Variants in TNKS observed in about 807,000 individuals in gnomAD.
TNKS encodes the protein tankyrase, also known as poly [ADP-ribose] polymerase tankyrase-1.
TNKS carries 72 observed loss-of-function variants against 135.8 expected under a neutral mutation model. The observed-to-expected ratio is 0.53, with a 90% confidence interval of 0.44 to 0.64. TNKS has a LOEUF of 0.64. Ranked by LOEUF, TNKS falls within the 30% of genes least tolerant of loss-of-function variation. The pLI is 0.00. For synonymous variants in TNKS, 849 were observed against 649.3 expected (o/e 1.31, Z -4.68); for missense variants, 1,769 against 1,674.0 (o/e 1.06, Z -0.99).
rs754401710 is a variant in TNKS at position 9,765,706 on chromosome 8, C to A, written c.3462C>A (p.Val1154=). 3 of 1,613,624 alleles carry A rather than the reference C, an allele frequency of 1.9e-6. No individual in the cohort carries two copies. In the South Asian group the frequency reaches 3.3e-5, roughly 18 times the overall value. Residue 1154 remains valine (V), a synonymous_variant, in exon 24 of 27, where the codon GTC becomes GTA. Coordinates refer to ENST00000310430, the MANE Select transcript of TNKS (RefSeq NM_003747.3). ...RYNVIRIQKV[V]NKKLRERFCH... Reference sequence around the variant, plus strand: ...CATCCTTAAAGATTCAAAAAGTTGTCAACAAGAAGTTGAGGGAGCGGTTCT... The same window carrying A: ...CATCCTTAAAGATTCAAAAAGTTGTAAACAAGAAGTTGAGGGAGCGGTTCT...
At position 9,735,056 on chromosome 8, in the gene TNKS, C is replaced by A; in HGVS notation, c.2505C>A (p.Gly835=). Residue 835 remains glycine (G), a synonymous_variant, in exon 16 of 27, where the codon GGC becomes GGA. Coordinates refer to ENST00000310430, the MANE Select transcript of TNKS (RefSeq NM_003747.3). ...ATATCAACTGCAGAGACACCCAGGGCAGAAATTCAACCCCTCTGCACCTGG... is the reference window on the plus strand; with the variant it reads ...ATATCAACTGCAGAGACACCCAGGGAAGAAATTCAACCCCTCTGCACCTGG... ...PENINCRDTQ[G]RNSTPLHLAA... 1 of 1,614,118 alleles carries A rather than the reference C, an allele frequency of 6.2e-7. No homozygotes were observed. The highest frequency in any genetic ancestry group is 8.5e-7 in the Non-Finnish European group (1 of 1,180,000).
intron 1 of TNKS, among the ~76,000 whole-genome samples, chr8:9,571,612 C>G (rs750852981): frequency 6.6e-6 from 1 of 152,134 alleles, no homozygotes; most frequent in Non-Finnish European, 1.5e-5. Context: ...TGCCCACCAC[C>G]ACGCCTGGCT....
intron 5 of TNKS, among the ~76,000 whole-genome samples, chr8:9,702,815 A>C (rs1216721507): frequency 1.3e-5 from 2 of 152,198 alleles, no homozygotes; most frequent in African/African-American, 4.8e-5. Flanking sequence ...CAGGAGTTCC[A>C]GACAAGTCTG....
intron 1 of TNKS, chr8:9,575,328 G>A (rs762600599): frequency 7.9e-6 from 7 of 885,192 alleles, no homozygotes; most frequent in Non-Finnish European, 9.5e-6. Context: ...CTCGTGATCC[G>A]CCTGCTTCGG....
At chr8:9,770,020 T>A in intron 25 of TNKS, 86 bp from the exon 26 acceptor site, 2 of 1,281,292 alleles carry the variant, frequency 1.6e-6, no homozygotes, top group Non-Finnish European at 2.1e-6. Context: ...TTATGTTAAA[T>A]TTTTAAAAAA....
At chr8:9,726,147 T>C (rs961882102) in intron 12 of TNKS, among the ~76,000 whole-genome samples, 3 of 152,134 alleles carry the variant, frequency 2.0e-5, no homozygotes, top group Non-Finnish European at 4.4e-5. Context: ...TCCCAGCACT[T>C]TGGGAGGCTG....
intron 3 of TNKS, among the ~76,000 whole-genome samples, chr8:9,632,653 A>G (rs1800337143): frequency 6.6e-6 from 1 of 152,142 alleles, no homozygotes; most frequent in Non-Finnish European, 1.5e-5. Flanking sequence ...CTACAGGTGC[A>G]TTTCAATATC....
intron 13 of TNKS, 134 bp downstream of exon 13, chr8:9,726,854 GTAC>G: frequency 1.4e-6 from 1 of 698,936 alleles, no homozygotes; most frequent in African/African-American, 1.8e-5. Flanking sequence ...GGAAAAATCT[GTAC>G]TACTATTAAG....
intron 14 of TNKS, 33 bp from the exon 15 acceptor site, chr8:9,733,246 T>C: frequency 6.5e-7 from 1 of 1,527,668 alleles, no homozygotes; most frequent in Non-Finnish European, 8.7e-7. Context: ...AAAGGTTTGT[T>C]TTATGACTTT....
chr8:9,657,558 G>A (rs1801452440), intron 3 of TNKS, among the ~76,000 whole-genome samples: 4 of 76,184 alleles, frequency 5.3e-5, no homozygotes, highest in Admixed American at 1.0e-4. Flanking sequence ...GCTGGGCAGA[G>A]GCGCCCCTCA....
At chr8:9,697,465 G>C (rs1248813128) in intron 5 of TNKS, among the ~76,000 whole-genome samples, 1 of 152,066 alleles carries the variant, frequency 6.6e-6, no homozygotes, top group African/African-American at 2.4e-5. Flanking sequence ...CCTAATTAAA[G>C]AGCTTCTGCA....
intron 2 of TNKS, 23 bp downstream of exon 2, chr8:9,580,406 T>C: frequency 6.3e-7 from 1 of 1,596,118 alleles, no homozygotes; most frequent in Non-Finnish European, 8.6e-7. Flanking sequence ...TGATGATATC[T>C]AAATTTTAAA....
At chr8:9,727,990 G>A (rs557325761) in intron 13 of TNKS, among the ~76,000 whole-genome samples, 2 of 152,090 alleles carry the variant, frequency 1.3e-5, no homozygotes, top group Non-Finnish European at 2.9e-5. Context: ...AATATAAGAC[G>A]ATTAGGCTTC....
At position 9,556,141 on chromosome 8, in the gene TNKS, G is replaced by A. The variant is rs745374958; in HGVS notation, c.202G>A (p.Gly68Arg). Residue 68 changes from glycine to arginine, a missense_variant, in exon 1 of 27, where the codon GGG (glycine) becomes AGG (arginine). Transcript: ENST00000310430. ...GCGGCACGGCCTAGCGCTGCCGGAG[G>A]GGGATGGCAGTCGGGATCCGCCCGA... ...SPRHGLALPE[G>R]DGSRDPPDRP... 5 of 1,607,616 alleles carry A rather than the reference G, an allele frequency of 3.1e-6. No homozygotes were observed. The South Asian group carries it at 3.3e-5, about 11-fold the overall frequency.
At chr8:9,619,907 C>G (rs1371609959) in intron 3 of TNKS, among the ~76,000 whole-genome samples, 2 of 150,940 alleles carry the variant, frequency 1.3e-5, no homozygotes, top group African/African-American at 2.4e-5. Flanking sequence ...GCTTTGACTA[C>G]TAGATTTTGC....
At chr8:9,580,515 C>T in intron 2 of TNKS, 132 bp downstream of exon 2, 3 of 781,064 alleles carry the variant, frequency 3.8e-6, no homozygotes, top group East Asian at 2.7e-5. Context: ...TCTTTTCCAT[C>T]AAAAGGTAAA....
In TNKS at chr8:9,652,829, C is replaced by G. The variant is rs185437480; in HGVS notation, c.995-27122C>G. Among the ~76,000 whole-genome samples, 209 of 152,120 alleles carry G rather than the reference C, an allele frequency of 1.4e-3. 1 individual carries two copies. The highest frequency in any genetic ancestry group is 5.0e-3 in the African/African-American group (206 of 41,482). ...CATTATCCCTGACCCTCAGAGCGAC[C>G]ACAGAAGATAAATATTATCTTCTCT... On this transcript the variant is annotated intron_variant, in intron 3 of 26. Coordinates refer to ENST00000310430, the MANE Select transcript of TNKS (RefSeq NM_003747.3).
chr8:9,724,136 G>T (rs1805042549), intron 12 of TNKS, among the ~76,000 whole-genome samples: 1 of 152,138 alleles, frequency 6.6e-6, no homozygotes, highest in South Asian at 2.1e-4. Context: ...TTTAATCTTT[G>T]ATTCTAGGTG....
intron 5 of TNKS, among the ~76,000 whole-genome samples, chr8:9,691,118 A>T (rs1036442118): frequency 1.3e-5 from 2 of 152,248 alleles, no homozygotes; most frequent in African/African-American, 4.8e-5. Flanking sequence ...AGGTAGTCAG[A>T]AAATTCTTCT....
Sources: allele counts gnomAD v4.1 joint callset (sites outside exome capture counted in the v4.1 genomes callset), GRCh38; gene constraint gnomAD v4.1.1; transcripts MANE v1.5; gene names NCBI Gene and HGNC (gene_info 2026-07-23, HGNC 2026-07-21).